The following ABCA3 variants were observed in gnomAD, a reference collection of about 807,000 sequenced individuals.
ABCA3 encodes the protein phospholipid-transporting ATPase ABCA3.
A neutral mutation model predicts 172.8 loss-of-function variants in ABCA3; 88 were observed. The observed-to-expected ratio is 0.51, with a 90% confidence interval of 0.43 to 0.61. The LOEUF (loss-of-function observed/expected upper bound fraction) is 0.61, where lower values mean the gene tolerates loss of function less well. Ranked by LOEUF, ABCA3 falls within the 20% of genes least tolerant of loss-of-function variation. ABCA3 has a pLI of 0.00. For synonymous variants in ABCA3, 1,066 were observed against 983.8 expected (o/e 1.08, Z -1.56); for missense variants, 2,164 against 2,301.0 (o/e 0.94, Z 1.22).
At chr16:2,332,649 GTTCACC>G (rs961725272) in intron 1 of ABCA3, 108 of 1,602,088 alleles carry the variant, frequency 6.7e-5, no homozygotes, top group Non-Finnish European at 8.8e-5. Flanking sequence ...GGGGCCGCCC[GTTCACC>G]TTGATGAGAC....
Position 2,295,685 on chromosome 16 carries a change from G to A in ABCA3, c.2319C>T (p.Ile773=). ...VKEPHCNPED[I]SQLVHHHVPN... ...GCACGTGGTGGTGGACCAGCTGGGA[G>A]ATGTCTTCCGGGTTGCAGTGCGGCT... Residue 773 remains isoleucine (I), a synonymous_variant, in exon 18 of 33, where the codon ATC becomes ATT. Transcript: ENST00000301732. 1 of 1,614,092 alleles carries A rather than the reference G, an allele frequency of 6.2e-7. No individual in the cohort carries two copies. The highest frequency in any genetic ancestry group is 8.5e-7 in the Non-Finnish European group (1 of 1,180,048).
At chr16:2,317,795 G>T in intron 8 of ABCA3, 31 bp from the exon 9 acceptor site, 1 of 1,592,816 alleles carries the variant, frequency 6.3e-7, no homozygotes, top group African/African-American at 1.3e-5. Context: ...GCTGCTGGGG[G>T]CCCGTCACTG....
Position 2,278,438 on chromosome 16 carries a change from A to G in ABCA3, c.4568T>C (p.Leu1523Pro). The change falls in exon 30 of 33, where the codon CTG (leucine) becomes CCG (proline). Residue 1523 changes from leucine to proline, a missense_variant. By Grantham distance (98) the Leu-to-Pro change is moderately conservative (BLOSUM62 -3). Around this residue, in one of 3 missense-constraint regions of ABCA3, gnomAD observed 795 missense variants for 881.9 expected, o/e 0.90. Transcript: ENST00000301732. The surrounding 1 kb of genome is among the most constrained non-coding windows in gnomAD (Gnocchi z 4.4). Reference protein sequence around the residue: ...RTYSGGNKRKLSTGIALIGEP... With the variant: ...RTYSGGNKRKPSTGIALIGEP... ...TCCGATCAGGGCGATGCCGGTGCTCAGCTTCCGCTTGTTACCACCACTAGA... is the reference window on the plus strand; with the variant it reads ...TCCGATCAGGGCGATGCCGGTGCTCGGCTTCCGCTTGTTACCACCACTAGA... The G allele has an allele frequency of 6.2e-7, 1 of 1,612,626 alleles. No individual in the cohort carries two copies.
At chr16:2,307,577 C>T (rs1365505915) in intron 11 of ABCA3, among the ~76,000 whole-genome samples, 1 of 151,988 alleles carries the variant, frequency 6.6e-6, no homozygotes, top group African/African-American at 2.4e-5. Context: ...AAAAAGTCCT[C>T]AAAACCCTAG....
At chr16:2,289,399 T>TCCCCCCCC in intron 20 of ABCA3, 35 bp downstream of exon 20, 68 of 1,544,214 alleles carry the variant, frequency 4.4e-5, no homozygotes, top group East Asian at 4.7e-5. Context: ...TGCTCGCCCT[T>TCCCCCCCC]CCCCCGCCAC....
intron 10 of ABCA3, among the ~76,000 whole-genome samples, chr16:2,316,538 C>T (rs1198124912): frequency 3.5e-5 from 4 of 115,154 alleles, no homozygotes; most frequent in Admixed American, 2.1e-4. Flanking sequence ...ATTAGCCAGG[C>T]GTGGTGGCAC....
Position 2,276,335 on chromosome 16 carries a change from G to A in ABCA3, c.*339C>T, listed in dbSNP as rs1259153377. On this transcript the variant is annotated 3_prime_UTR_variant, in exon 33 of 33. Transcript: ENST00000301732. ...CAAGTCACTGGGTCCTCTCTCCAGG[G>A]AGTGCCTGGAGAAATTCAACCCCCA... 3 of 490,316 alleles carry A rather than the reference G, an allele frequency of 6.1e-6. No homozygotes were observed. The highest frequency in any genetic ancestry group is 4.0e-6 in the Non-Finnish European group (1 of 249,592). The allele number at this position is 490,316 out of a possible 1,614,324, so 30.4% of individuals were successfully genotyped here.
chr16:2,298,375 C>G lies in ABCA3; in HGVS notation c.1896+11G>C, dbSNP rs368160943. 3 of 1,613,930 alleles carry G rather than the reference C, an allele frequency of 1.9e-6. No individual in the cohort carries two copies. The African/African-American group carries it at 4.0e-5, about 22-fold the overall frequency. On this transcript the variant is annotated intron_variant, in intron 15 of 32. Transcript: ENST00000301732. ...GGAAACACCCCTGCACACCCCTGGC[C>G]CCCAACTCACCTGGGCGTAGAAATA...
intron 18 of ABCA3, among the ~76,000 whole-genome samples, chr16:2,292,950 G>A (rs946650514): frequency 6.6e-6 from 1 of 152,130 alleles, no homozygotes; most frequent in Non-Finnish European, 1.5e-5. Flanking sequence ...GCAAGACTCC[G>A]TCTCCAAAAA....
chr16:2,276,831 TAGGAGAG>T, intron 32 of ABCA3, 26 bp from the exon 33 acceptor site: 1 of 1,613,186 alleles, frequency 6.2e-7, no homozygotes, highest in Non-Finnish European at 8.5e-7. Flanking sequence ...AAGTCACTGG[TAGGAGAG>T]AACAGGGCCC....
At chr16:2,296,280 G>C (rs2093679684) in intron 17 of ABCA3, among the ~76,000 whole-genome samples, 1 of 151,794 alleles carries the variant, frequency 6.6e-6, no homozygotes, top group Non-Finnish European at 1.5e-5. Flanking sequence ...ACCCAGGCTG[G>C]AGTGCAGCTG....
chr16:2,279,222 C>T lies in ABCA3; in HGVS notation c.4360-92G>A, dbSNP rs2093651465. ...CGGGGACTACCCTTGAGGTGCCCACCACTGCGCCTGTCTGTGGTTCCTGCC... is the reference window on the plus strand; with the variant it reads ...CGGGGACTACCCTTGAGGTGCCCACTACTGCGCCTGTCTGTGGTTCCTGCC... On this transcript the variant is annotated intron_variant, in intron 28 of 32. Transcript: ENST00000301732. This position sits in a 1 kb window ranked among gnomAD's most constrained non-coding sequence, Gnocchi z 4.4. 3.5e-6 allele frequency: 5 copies of T among 1,443,852 alleles called. No individual in the cohort carries two copies. The highest frequency in any genetic ancestry group is 4.7e-6 in the Non-Finnish European group (5 of 1,055,286). 89.4% of individuals were successfully genotyped at this position (1,443,852 alleles called of 1,614,324 possible). A position where few individuals can be genotyped will look rare whatever the true frequency, so the allele number is the denominator to read the frequency against.
intron 7 of ABCA3, among the ~76,000 whole-genome samples, chr16:2,321,269 C>G (rs1012145022): frequency 6.6e-6 from 1 of 152,180 alleles, no homozygotes; most frequent in Non-Finnish European, 1.5e-5. Flanking sequence ...GGTGACCTGT[C>G]AAGGGCATCG....
In ABCA3 at chr16:2,304,097, AGTC is replaced by A; in HGVS notation, c.1336_1338del (p.Asp446del). Reference sequence around the variant, plus strand: ...ATCCCCAGCACCTGCCCGAAGCAGAAGTCGTCGTCCACGTTGACGGGACTCAGG... The same window carrying A: ...ATCCCCAGCACCTGCCCGAAGCAGAAGTCGTCCACGTTGACGGGACTCAGG... On this transcript the variant is annotated inframe_deletion, in exon 12 of 33. Transcript: ENST00000301732. 1 of 1,614,194 alleles carries A rather than the reference AGTC, an allele frequency of 6.2e-7. No homozygotes were observed. Among genetic ancestry groups the A allele is most frequent in the South Asian group, 1.1e-5 (1 of 91,084 alleles).
intron 15 of ABCA3, 101 bp from the exon 16 acceptor site, chr16:2,298,022 G>GACTC (rs1379119065): frequency 1.2e-4 from 137 of 1,110,514 alleles, no homozygotes; most frequent in East Asian, 3.4e-4. Context: ...GACGTAGCTG[G>GACTC]GGAGATGCAG....
chr16:2,315,803 A>T (rs1567350538), intron 10 of ABCA3, among the ~76,000 whole-genome samples: 1 of 149,144 alleles, frequency 6.7e-6, no homozygotes, highest in South Asian at 2.1e-4. Context: ...AGCTAGGACC[A>T]CAGGGGCATG....
intron 19 of ABCA3, among the ~76,000 whole-genome samples, chr16:2,291,402 G>A (rs941387016): frequency 1.3e-5 from 2 of 151,768 alleles, no homozygotes; most frequent in African/African-American, 2.4e-5. Flanking sequence ...CGCCTGCCTC[G>A]GCCTCCCAAA....
At chr16:2,288,553 C>T (rs948500188) in intron 20 of ABCA3, among the ~76,000 whole-genome samples, 13 of 152,132 alleles carry the variant, frequency 8.5e-5, no homozygotes, top group Non-Finnish European at 1.2e-4. Flanking sequence ...GGGCCCTGCA[C>T]GTTGGCACTA....
Position 2,277,551 on chromosome 16 carries a change from C to A in ABCA3, c.4983+46G>T. 6.2e-7 allele frequency: 1 copy of A among 1,601,598 alleles called. No homozygotes were observed. Among genetic ancestry groups the A allele is most frequent in the Admixed American group, 1.7e-5 (1 of 59,672 alleles). Reference sequence around the variant, plus strand: ...GAGGGAGAGACCCCTGGAGGGACCTCCCCCTGCCCCATGAGTGCCCAGTGG... The same window carrying A: ...GAGGGAGAGACCCCTGGAGGGACCTACCCCTGCCCCATGAGTGCCCAGTGG... On this transcript the variant is annotated intron_variant, in intron 32 of 32. Transcript: ENST00000301732. This position sits in a 1 kb window ranked among gnomAD's most constrained non-coding sequence, Gnocchi z 5.3.
Sources: gnomAD v4.1 joint callset for allele counts (sites outside exome capture counted in the v4.1 genomes callset) on GRCh38, gnomAD v4.1.1 for gene constraint, gnomAD v4.1.1 regional missense constraint, Gnocchi (gnomAD v3.1) non-coding constraint, MANE v1.5 for transcripts, NCBI Gene and HGNC (gene_info 2026-07-23, HGNC 2026-07-21) for gene names.